NLGN4X: variants seen among roughly 807,000 people sequenced by gnomAD.
NLGN4X encodes the protein neuroligin-4, X-linked.
A neutral mutation model predicts 40.3 loss-of-function variants in NLGN4X; 3 were observed. The ratio of observed to expected loss-of-function variants is 0.07; its 90% confidence interval spans 0.03 to 0.19. The LOEUF is 0.19. Ranked by LOEUF, NLGN4X falls within the 10% of genes least tolerant of loss-of-function variation. NLGN4X has a pLI of 1.00. For synonymous variants in NLGN4X, 270 were observed against 306.8 expected (o/e 0.88, Z 1.25); for missense variants, 382 against 708.3 (o/e 0.54, Z 5.23).
intron 2 of NLGN4X, among the ~76,000 whole-genome samples, chrX:6,103,929 A>T (rs1266634636): frequency 8.9e-6 from 1 of 112,372 alleles, no homozygotes; most frequent in East Asian, 2.8e-4. Flanking sequence ...AGCATTGCAA[A>T]GAATAGTAAT....
intron 2 of NLGN4X, among the ~76,000 whole-genome samples, chrX:6,063,471 A>C (rs896756340): frequency 8.9e-6 from 1 of 111,916 alleles, no homozygotes; most frequent in Admixed American, 9.5e-5. Flanking sequence ...TGACAGGGCA[A>C]GACCCTGTCT....
At chrX:6,138,866 C>T (rs764534787) in intron 2 of NLGN4X, among the ~76,000 whole-genome samples, 3 of 108,835 alleles carry the variant, frequency 2.8e-5, no homozygotes, top group African/African-American at 6.7e-5. Context: ...GTATGATATT[C>T]AATATACCAA....
At chrX:5,933,371 A>AT (rs2033622269) in intron 3 of NLGN4X, among the ~76,000 whole-genome samples, 1 of 109,469 alleles carries the variant, frequency 9.1e-6, no homozygotes, top group East Asian at 2.8e-4. Context: ...ATCTACTTAA[A>AT]TAGCACTAGG....
intron 2 of NLGN4X, among the ~76,000 whole-genome samples, chrX:6,113,940 C>T (rs921479247): frequency 1.8e-5 from 2 of 110,994 alleles, no homozygotes; most frequent in Non-Finnish European, 3.8e-5. Flanking sequence ...CTTGCCTCAG[C>T]TTCCCAAGTA....
chrX:6,189,495 A>T (rs1356985552), intron 1 of NLGN4X, among the ~76,000 whole-genome samples: 1 of 112,445 alleles, frequency 8.9e-6, no homozygotes, highest in African/African-American at 3.2e-5. Flanking sequence ...CAGTGGTTTC[A>T]AATGTAGTTT....
intron 2 of NLGN4X, among the ~76,000 whole-genome samples, chrX:6,045,320 C>A (rs932715426): frequency 6.2e-5 from 7 of 112,230 alleles, no homozygotes; most frequent in African/African-American, 2.3e-4. Context: ...ACCTTTAGCA[C>A]CCCCAAGCAC....
intron 3 of NLGN4X, among the ~76,000 whole-genome samples, chrX:5,999,597 A>C (rs1361311010): frequency 8.9e-5 from 10 of 112,530 alleles, no homozygotes; most frequent in African/African-American, 3.2e-4. Flanking sequence ...AAAAAAACTA[A>C]GGTTGAATGC....
chrX:6,130,335 C>T (rs1188372428), intron 2 of NLGN4X, among the ~76,000 whole-genome samples: 1 of 111,810 alleles, frequency 8.9e-6, no homozygotes, highest in African/African-American at 3.2e-5. Flanking sequence ...AGAGAAAAGG[C>T]CCCAATGTAA....
intron 3 of NLGN4X, among the ~76,000 whole-genome samples, chrX:6,000,873 C>A (rs1433197869): frequency 9.0e-6 from 1 of 111,482 alleles, no homozygotes; most frequent in African/African-American, 3.3e-5. Context: ...ACAGCAGCAC[C>A]CCACTCTCAG....
rs908954215 is a variant in NLGN4X, at chrX:5,908,911, GA to G, written c.811+142del. On this transcript the variant is annotated intron_variant, in intron 4 of 5. Transcript: ENST00000381095. ...CAAAAGCTGAGTTAAAAGACATGAA[GA>G]TGGATTCATTTGATCTTTTGGGCAT... is the stretch of plus-strand genomic sequence containing the variant. 3.1e-5 allele frequency: 20 copies of G among 648,827 alleles called. No individual in the cohort carries two copies. In the African/African-American group the frequency reaches 3.8e-4, roughly 12 times the overall value. 53.5% of individuals were successfully genotyped at this position (648,827 alleles called of 1,213,427 possible).
Position 6,101,607 on chromosome X carries a change from T to TA in NLGN4X, c.472+49387dup, listed in dbSNP as rs755857795. 2.9e-3 allele frequency among the ~76,000 whole-genome samples: 320 copies of TA among 110,440 alleles called. 2 individuals carry two copies. Among genetic ancestry groups the TA allele is most frequent in the Middle Eastern group, 0.014 (3 of 213 alleles). On this transcript the variant is annotated intron_variant, in intron 2 of 5. Coordinates refer to ENST00000381095, the MANE Select transcript of NLGN4X (RefSeq NM_181332.3). ...TATGTTCTCACTTATTTGTGGGAGC[T>TA]AAAAATCAAAAAGATTGAACTCATG...
At chrX:5,981,914 T>C in intron 3 of NLGN4X, among the ~76,000 whole-genome samples, 1 of 111,706 alleles carries the variant, frequency 9.0e-6, no homozygotes, top group Non-Finnish European at 1.9e-5. Context: ...ACTAAATCCA[T>C]CATCAATCTT....
chrX:5,993,371 A>T, intron 3 of NLGN4X, among the ~76,000 whole-genome samples: 1 of 111,912 alleles, frequency 8.9e-6, no homozygotes, highest in Non-Finnish European at 1.9e-5. Context: ...AGCAGGGTTT[A>T]TTAATGTCAG....
chrX:5,907,787 G>C (rs1336240185), intron 4 of NLGN4X, among the ~76,000 whole-genome samples: 2 of 108,131 alleles, frequency 1.8e-5, no homozygotes, highest in Non-Finnish European at 3.8e-5. Context: ...AGAGGGGAAA[G>C]CAAACTCTGG....
chrX:5,965,054 C>T (rs976023546), intron 3 of NLGN4X, among the ~76,000 whole-genome samples: 4 of 111,468 alleles, frequency 3.6e-5, no homozygotes, highest in Non-Finnish European at 7.5e-5. Context: ...TTAGGTGGAT[C>T]GTGGGGTAGT....
chrX:6,139,263 T>G (rs1417053171), intron 2 of NLGN4X, among the ~76,000 whole-genome samples: 16 of 112,059 alleles, frequency 1.4e-4, no homozygotes. Flanking sequence ...TGGGACCTCA[T>G]GTTCTTTGAT....
At chrX:6,081,412 C>T (rs1424335765) in intron 2 of NLGN4X, among the ~76,000 whole-genome samples, 1 of 112,523 alleles carries the variant, frequency 8.9e-6, no homozygotes, top group Non-Finnish European at 1.9e-5. Flanking sequence ...CCACTATGCC[C>T]AGTGGAAATG....
chrX:6,154,970 A>G (rs920673899), intron 1 of NLGN4X, among the ~76,000 whole-genome samples: 12 of 111,677 alleles, frequency 1.1e-4, no homozygotes, highest in African/African-American at 3.6e-4. Flanking sequence ...CATTCCTTAA[A>G]TTGAGATTGG....
intron 2 of NLGN4X, among the ~76,000 whole-genome samples, chrX:6,117,369 T>C (rs2039326637): frequency 9.0e-6 from 1 of 110,856 alleles, no homozygotes; most frequent in African/African-American, 3.3e-5. Flanking sequence ...CCTCCAACCA[T>C]ACAGCCTAGG....
Sources: allele counts gnomAD v4.1 joint callset (sites outside exome capture counted in the v4.1 genomes callset), GRCh38; gene constraint gnomAD v4.1.1; transcripts MANE v1.5; gene names NCBI Gene and HGNC (gene_info 2026-07-23, HGNC 2026-07-21).